The following CNTNAP2 variants were observed in gnomAD, a reference collection of about 807,000 sequenced individuals.
CNTNAP2 encodes the protein contactin associated protein 2.
In CNTNAP2, 98 loss-of-function variants were observed where a neutral mutation model predicts 155.2. The ratio of observed to expected loss-of-function variants is 0.63; its 90% CI spans 0.54 to 0.75. The LOEUF is 0.75. CNTNAP2 is among the 30% of genes least tolerant of loss of function. The pLI is 0.00. For missense variants in CNTNAP2, 1,727 were observed against 1,688.1 expected (o/e 1.02, Z -0.40); for synonymous variants, 651 against 631.2 (o/e 1.03, Z -0.47).
chr7:147,497,349 C>T (rs1317508209), intron 11 of CNTNAP2, among the ~76,000 whole-genome samples: 2 of 152,164 alleles, frequency 1.3e-5, no homozygotes, highest in East Asian at 3.9e-4. Flanking sequence ...CGGATGCCAC[C>T]ACCAAATGCC....
intron 12 of CNTNAP2, among the ~76,000 whole-genome samples, chr7:147,630,038 T>G (rs1384338217): frequency 6.6e-6 from 1 of 151,808 alleles, no homozygotes; most frequent in African/African-American, 2.4e-5. Flanking sequence ...AAAAGTGGGT[T>G]CTTTGAAAAG....
At chr7:146,611,728 A>G (rs1373225989) in intron 1 of CNTNAP2, among the ~76,000 whole-genome samples, 1 of 152,206 alleles carries the variant, frequency 6.6e-6, no homozygotes, top group Non-Finnish European at 1.5e-5. Flanking sequence ...GGAATATATA[A>G]TTTAAATTAC....
chr7:147,394,675 T>A (rs1403334806), intron 9 of CNTNAP2, among the ~76,000 whole-genome samples: 6 of 152,008 alleles, frequency 3.9e-5, no homozygotes, highest in African/African-American at 1.2e-4. Flanking sequence ...TATCCAATTA[T>A]GCATGTTTCT....
chr7:147,329,193 A>G (rs1795513031), intron 9 of CNTNAP2, among the ~76,000 whole-genome samples: 1 of 151,980 alleles, frequency 6.6e-6, no homozygotes, highest in Non-Finnish European at 1.5e-5. Context: ...TGTATACCAC[A>G]TTCTCTACTA....
At chr7:146,358,588 T>C (rs1300437033) in intron 1 of CNTNAP2, among the ~76,000 whole-genome samples, 1 of 152,144 alleles carries the variant, frequency 6.6e-6, no homozygotes, top group Non-Finnish European at 1.5e-5. Context: ...TTATGAAGGT[T>C]GAGGAAAGAT....
intron 15 of CNTNAP2, among the ~76,000 whole-genome samples, chr7:148,083,708 A>G (rs1308322775): frequency 6.6e-6 from 1 of 152,208 alleles, no homozygotes. Context: ...TATGTGACTT[A>G]TCTCTAGAGC....
intron 1 of CNTNAP2, among the ~76,000 whole-genome samples, chr7:146,570,083 A>G (rs1430129607): frequency 1.3e-5 from 2 of 152,122 alleles, no homozygotes; most frequent in Non-Finnish European, 2.9e-5. Flanking sequence ...ATTCATTCTG[A>G]TATTAGCTAT....
intron 14 of CNTNAP2, among the ~76,000 whole-genome samples, chr7:147,931,962 T>C (rs369502771): frequency 7.2e-5 from 11 of 152,228 alleles, no homozygotes; most frequent in African/African-American, 2.6e-4. Context: ...CTCAGCTCAC[T>C]GCAACCTCCG....
intron 2 of CNTNAP2, among the ~76,000 whole-genome samples, chr7:146,828,843 A>C (rs1395943296): frequency 6.6e-6 from 1 of 152,054 alleles, no homozygotes; most frequent in East Asian, 1.9e-4. Flanking sequence ...ATGTGTTTAA[A>C]ATAATGTAAA....
chr7:146,748,143 C>CTTTTCTTTTTTTTTTT (rs60181692), intron 1 of CNTNAP2, among the ~76,000 whole-genome samples: 4 of 98,006 alleles, frequency 4.1e-5, no homozygotes, highest in South Asian at 3.9e-4. Context: ...CTTTTCTTTT[C>CTTTTCTTTTTTTTTTT]TTTTTTTTTT....
At position 147,801,852 on chromosome 7, in the gene CNTNAP2, C is replaced by CGG. The variant is rs139509820; in HGVS notation, c.2099-101706_2099-101705dup. ...TGACCTGCTGGGCACACCTCCCAGA[C>CGG]GGGGGGGGCGGCCGGGCAGAGGGGC... On this transcript the variant is annotated intron_variant, in intron 13 of 23. Coordinates refer to ENST00000361727, the MANE Select transcript of CNTNAP2 (RefSeq NM_014141.6). Among the ~76,000 whole-genome samples the CGG allele has an allele frequency of 6.5e-4, 98 of 151,198 alleles. No homozygotes were observed. In the South Asian group the frequency reaches 0.011, roughly 16 times the overall value.
At chr7:146,988,429 A>G (rs1242932726) in intron 3 of CNTNAP2, among the ~76,000 whole-genome samples, 1 of 152,132 alleles carries the variant, frequency 6.6e-6, no homozygotes, top group Non-Finnish European at 1.5e-5. Context: ...AGAGGTAGAA[A>G]AAATACATTT....
chr7:148,357,452 T>G (rs2116610174), intron 21 of CNTNAP2, among the ~76,000 whole-genome samples: 1 of 152,288 alleles, frequency 6.6e-6, no homozygotes, highest in South Asian at 2.1e-4. Flanking sequence ...CTTGGTTTTG[T>G]GAAAGGCCCA....
At chr7:146,844,924 C>T (rs191387614) in intron 3 of CNTNAP2, among the ~76,000 whole-genome samples, 1 of 152,200 alleles carries the variant, frequency 6.6e-6, no homozygotes, top group East Asian at 1.9e-4. Flanking sequence ...TTCTACAGAA[C>T]ACAGCTGTTT....
At chr7:147,944,035 T>C (rs1477876241) in intron 14 of CNTNAP2, among the ~76,000 whole-genome samples, 2 of 152,134 alleles carry the variant, frequency 1.3e-5, no homozygotes, top group Non-Finnish European at 2.9e-5. Context: ...TTTTCTGAAA[T>C]GATGCCATCC....
intron 9 of CNTNAP2, among the ~76,000 whole-genome samples, chr7:147,373,683 C>A (rs1314747402): frequency 2.0e-5 from 3 of 151,902 alleles, no homozygotes; most frequent in African/African-American, 7.3e-5. Context: ...TGGTCAGAAA[C>A]TTTCCTGGAA....
intron 1 of CNTNAP2, among the ~76,000 whole-genome samples, chr7:146,545,535 C>T (rs796940190): frequency 7.2e-5 from 11 of 151,736 alleles, no homozygotes; most frequent in African/African-American, 2.7e-4. Flanking sequence ...TGTTCCCCTC[C>T]GTCTGTCCAT....
intron 1 of CNTNAP2, among the ~76,000 whole-genome samples, chr7:146,599,457 A>C (rs923969119): frequency 6.6e-6 from 1 of 152,102 alleles, no homozygotes; most frequent in South Asian, 2.1e-4. Flanking sequence ...TCTTCTTGCT[A>C]GGCATATTCT....
intron 4 of CNTNAP2, among the ~76,000 whole-genome samples, chr7:147,050,346 G>A (rs1453751301): frequency 6.6e-6 from 1 of 152,126 alleles, no homozygotes; most frequent in East Asian, 1.9e-4. Context: ...GTTTTTGATG[G>A]CAAATACTTA....
Sources: allele counts gnomAD v4.1 joint callset (sites outside exome capture counted in the v4.1 genomes callset), GRCh38; gene constraint gnomAD v4.1.1; transcripts MANE v1.5; gene names NCBI Gene and HGNC (gene_info 2026-07-23, HGNC 2026-07-21).